The following FNBP1L variants were observed in gnomAD, a reference collection of about 807,000 sequenced individuals.
FNBP1L encodes formin-binding protein 1-like.
FNBP1L carries 36 observed loss-of-function variants against 91.2 expected under a neutral mutation model. The ratio of observed to expected loss-of-function variants is 0.39; its 90% CI spans 0.30 to 0.52. FNBP1L has a LOEUF of 0.52. FNBP1L is among the 20% of genes least tolerant of loss of function. FNBP1L has a pLI of 0.66. For synonymous variants in FNBP1L, 242 were observed against 237.0 expected (o/e 1.02, Z -0.19); for missense variants, 571 against 732.1 (o/e 0.78, Z 2.54).
chr1:93,513,764 G>T (rs983022921), intron 2 of FNBP1L, among the ~76,000 whole-genome samples: 8 of 152,146 alleles, frequency 5.3e-5, no homozygotes, highest in South Asian at 2.1e-4. Context: ...TTGATGGGAC[G>T]TATTTCAAAA....
chr1:93,485,820 C>T (rs1475536583), intron 1 of FNBP1L, among the ~76,000 whole-genome samples: 2 of 152,116 alleles, frequency 1.3e-5, no homozygotes, highest in Non-Finnish European at 2.9e-5. Flanking sequence ...CCTTAGCCTC[C>T]CGAGTAGCTG....
chr1:93,524,479 A>G (rs1043716963), intron 5 of FNBP1L, among the ~76,000 whole-genome samples, 156 bp downstream of exon 5: 2 of 151,800 alleles, frequency 1.3e-5, no homozygotes, highest in Non-Finnish European at 2.9e-5. Flanking sequence ...TAAAGTGTAA[A>G]TGGAGGATGT....
At chr1:93,471,744 G>A (rs1021170992) in intron 1 of FNBP1L, among the ~76,000 whole-genome samples, 1 of 152,164 alleles carries the variant, frequency 6.6e-6, no homozygotes. Context: ...TATCCTCATT[G>A]TTTCTTGCTT....
chr1:93,529,583 A>C, intron 5 of FNBP1L, 69 bp from the exon 6 acceptor site: 1 of 972,460 alleles, frequency 1.0e-6, no homozygotes, highest in Non-Finnish European at 1.5e-6. Context: ...AATGCTCTCT[A>C]AAGTTATTTC....
chr1:93,448,406 T>A, intron 1 of FNBP1L, 101 bp downstream of exon 1: 3 of 1,295,862 alleles, frequency 2.3e-6, no homozygotes, highest in Non-Finnish European at 3.1e-6. Flanking sequence ...CGCTCCGCCG[T>A]CCTCGGTCCG....
chr1:93,549,451 A>T (rs773912814), intron 15 of FNBP1L, 25 bp downstream of exon 15: 41 of 1,506,348 alleles, frequency 2.7e-5, no homozygotes, highest in Non-Finnish European at 3.2e-5. Flanking sequence ...ATAATATTGT[A>T]TGTAAAAAAA....
At chr1:93,533,106 G>A in intron 8 of FNBP1L, 38 bp downstream of exon 8, 5 of 1,589,710 alleles carry the variant, frequency 3.1e-6, no homozygotes, top group Non-Finnish European at 4.3e-6. Context: ...GCATCTGTTT[G>A]GTTTAGGTGT....
rs958164071 is a variant in FNBP1L at position 93,553,549 on chromosome 1, C to G, written c.*1133C>G. 6.6e-6 allele frequency: 1 copy of G among 152,600 alleles called. No homozygotes were observed. The highest frequency in any genetic ancestry group is 2.4e-5 in the African/African-American group (1 of 41,436). The allele number at this position is 152,600 out of a possible 1,614,324, so 9.5% of individuals were successfully genotyped here. A position where few individuals can be genotyped will look rare whatever the true frequency, so the allele number is the denominator to read the frequency against. On this transcript the variant is annotated 3_prime_UTR_variant, in exon 17 of 17. Transcript: ENST00000271234. ...TTATGAGAAGTTTTATGGGCCTCCCCCAATTGTCTTTTTATTTTGGGTTAT... is the reference window on the plus strand; with the variant it reads ...TTATGAGAAGTTTTATGGGCCTCCCGCAATTGTCTTTTTATTTTGGGTTAT...
Position 93,541,521 on chromosome 1 carries a change from C to T in FNBP1L, c.1164+465C>T, listed in dbSNP as rs182867727. ...ATCATTATGGAGTTAGTCCTTGGTT[C>T]TTCTGTGCTATTGAAGGAGAATAGA... On this transcript the variant is annotated intron_variant, in intron 11 of 16. Transcript: ENST00000271234. Among the ~76,000 whole-genome samples, 579 of 128,346 alleles carry T rather than the reference C, an allele frequency of 4.5e-3. 3 individuals carry two copies. Among genetic ancestry groups the T allele is most frequent in the Middle Eastern group, 0.037 (8 of 218 alleles). 84.2% of individuals were successfully genotyped at this position (128,346 alleles called of 152,430 possible). A position where few individuals can be genotyped will look rare whatever the true frequency, so the allele number is the denominator to read the frequency against.
intron 1 of FNBP1L, among the ~76,000 whole-genome samples, chr1:93,450,116 A>G (rs974008219): frequency 2.0e-5 from 3 of 152,188 alleles, no homozygotes; most frequent in Admixed American, 1.3e-4. Flanking sequence ...ACACTAAAGA[A>G]TAACAGTTTT....
chr1:93,483,030 A>C (rs1441136729), intron 1 of FNBP1L, among the ~76,000 whole-genome samples: 2 of 148,434 alleles, frequency 1.3e-5, no homozygotes, highest in East Asian at 1.9e-4. Context: ...AAAAACAAAA[A>C]AAACAAAAAA....
intron 7 of FNBP1L, among the ~76,000 whole-genome samples, chr1:93,531,264 A>T (rs1671669283): frequency 6.6e-6 from 1 of 152,206 alleles, no homozygotes; most frequent in Non-Finnish European, 1.5e-5. Context: ...GGCAGAAATA[A>T]ATCTTACAAA....
chr1:93,522,614 T>A (rs1437787245), intron 3 of FNBP1L, among the ~76,000 whole-genome samples: 1 of 152,152 alleles, frequency 6.6e-6, no homozygotes, highest in African/African-American at 2.4e-5. Flanking sequence ...GATGACTGTT[T>A]AGATGGAGAA....
intron 5 of FNBP1L, among the ~76,000 whole-genome samples, chr1:93,527,485 T>C (rs757031119): frequency 1.3e-4 from 20 of 152,240 alleles, no homozygotes; most frequent in Non-Finnish European, 2.6e-4. Flanking sequence ...ATACAAAATA[T>C]TGAGATCCCC....
At chr1:93,535,699 T>A (rs2101762988) in intron 9 of FNBP1L, among the ~76,000 whole-genome samples, 1 of 152,028 alleles carries the variant, frequency 6.6e-6, no homozygotes, top group East Asian at 1.9e-4. Flanking sequence ...ACAATTATAA[T>A]TAACTCATGC....
At chr1:93,507,855 G>A (rs563928828) in intron 2 of FNBP1L, among the ~76,000 whole-genome samples, 2 of 151,574 alleles carry the variant, frequency 1.3e-5, no homozygotes, top group East Asian at 3.9e-4. Flanking sequence ...TGCCATGTTG[G>A]CCTGGCTGGT....
At chr1:93,491,507 A>C (rs1019546816) in intron 1 of FNBP1L, among the ~76,000 whole-genome samples, 1 of 151,876 alleles carries the variant, frequency 6.6e-6, no homozygotes, top group Non-Finnish European at 1.5e-5. Context: ...CTCCCATCTC[A>C]GCCTCCCCGG....
chr1:93,471,786 A>G (rs757956054), intron 1 of FNBP1L, among the ~76,000 whole-genome samples: 11 of 152,152 alleles, frequency 7.2e-5, no homozygotes, highest in Non-Finnish European at 1.6e-4. Flanking sequence ...TCTTTGTTCA[A>G]CTTCTGGCTG....
At chr1:93,497,197 C>T (rs935645759) in intron 1 of FNBP1L, among the ~76,000 whole-genome samples, 4 of 151,430 alleles carry the variant, frequency 2.6e-5, no homozygotes, top group South Asian at 2.1e-4. Context: ...CTCCTGAACT[C>T]GTGATCCGCC....
Sources: allele counts gnomAD v4.1 joint callset (sites outside exome capture counted in the v4.1 genomes callset), GRCh38; gene constraint gnomAD v4.1.1; transcripts MANE v1.5; gene names NCBI Gene and HGNC (gene_info 2026-07-23, HGNC 2026-07-21).